Variants in PKIB observed in about 807,000 individuals in gnomAD.
PKIB encodes PKI-beta.
Under a neutral mutation model 4.5 loss-of-function variants are expected in PKIB, and 2 were observed. The ratio of observed to expected loss-of-function variants is 0.44; its 90% CI spans 0.18 to 1.39. PKIB has a LOEUF of 1.39. Among genes scored for constraint, PKIB ranks in the 40% most tolerant of loss-of-function variants. The probability of loss-of-function intolerance (pLI) is 0.27; values close to 1 mark genes in which losing one functional copy is unlikely to be tolerated. For synonymous variants in PKIB, 38 were observed against 36.0 expected (o/e 1.06, Z -0.20); for missense variants, 94 against 92.6 (o/e 1.02, Z -0.06).
At chr6:122,520,661 T>TTTCCCTC (rs1562237597) in intron 2 of PKIB, among the ~76,000 whole-genome samples, 1 of 55,546 alleles carries the variant, frequency 1.8e-5, no homozygotes, top group Non-Finnish European at 3.8e-5. Context: ...AAGTTTATGT[T>TTTCCCTC]CCCACCCCCC....
At position 122,675,035 on chromosome 6, in the gene PKIB, C is replaced by A. The variant is rs374889374; in HGVS notation, c.-75-43C>A. 8 of 149,534 alleles carry A rather than the reference C, an allele frequency of 5.3e-5. No individual in the cohort carries two copies. In the East Asian group the frequency reaches 1.6e-3, roughly 30 times the overall value. The allele number at this position is 149,534 out of a possible 1,614,324, so 9.3% of individuals were successfully genotyped here. On this transcript the variant is annotated intron_variant, in intron 2 of 4. Coordinates refer to ENST00000368452, the MANE Select transcript of PKIB (RefSeq NM_181795.3). ...AATTAAAATTTGATTAACTGGATTG[C>A]CACCTTTTCTGGTTCTTCATAGTTT...
intron 2 of PKIB, among the ~76,000 whole-genome samples, chr6:122,532,231 C>T (rs1384072126): frequency 6.6e-6 from 1 of 152,168 alleles, no homozygotes; most frequent in Non-Finnish European, 1.5e-5. Context: ...AATCAACATA[C>T]TCCAAGATGG....
At chr6:122,603,384 A>G (rs1774435515) in intron 3 of PKIB, among the ~76,000 whole-genome samples, 1 of 152,242 alleles carries the variant, frequency 6.6e-6, no homozygotes, top group East Asian at 1.9e-4. Context: ...AATTATGAGC[A>G]TCTAATCTTA....
chr6:122,684,080 G>A (rs1778004693), intron 3 of PKIB, among the ~76,000 whole-genome samples: 1 of 152,200 alleles, frequency 6.6e-6, no homozygotes, highest in African/African-American at 2.4e-5. Flanking sequence ...AAATAAGCCA[G>A]TCACAGAAAG....
chr6:122,604,150 G>A (rs906794807), intron 3 of PKIB, among the ~76,000 whole-genome samples: 4 of 152,202 alleles, frequency 2.6e-5, no homozygotes, highest in Non-Finnish European at 4.4e-5. Context: ...TTTACTTGAA[G>A]AAGTTAGAAA....
At chr6:122,716,802 C>T (rs1252236019) in intron 3 of PKIB, among the ~76,000 whole-genome samples, 1 of 152,146 alleles carries the variant, frequency 6.6e-6, no homozygotes, top group Non-Finnish European at 1.5e-5. Context: ...TGAGCATCTC[C>T]ATCCTTCGGT....
At position 122,612,585 on chromosome 6, in the gene PKIB, A is replaced by G. The variant is rs1481117620; in HGVS notation, c.-161+2050A>G. ...GCTTATGGCTTCTCTTACTTAGCAT[A>G]ATGTTTTTGGGGTTCAGCTATGTTG... is the stretch of plus-strand genomic sequence containing the variant. On this transcript the variant is annotated intron_variant, in intron 1 of 4. Transcript: ENST00000368452. 2.0e-5 allele frequency among the ~76,000 whole-genome samples: 3 copies of G among 152,096 alleles called. No individual in the cohort carries two copies. In the East Asian group the frequency reaches 5.8e-4, roughly 29 times the overall value.
intron 2 of PKIB, among the ~76,000 whole-genome samples, chr6:122,532,841 C>T (rs1397105016): frequency 6.6e-6 from 1 of 152,136 alleles, no homozygotes; most frequent in Non-Finnish European, 1.5e-5. Flanking sequence ...CTCTTCAAGA[C>T]CCTGCTATAA....
intron 3 of PKIB, among the ~76,000 whole-genome samples, chr6:122,690,906 T>C (rs1778306674): frequency 7.1e-6 from 1 of 140,996 alleles, no homozygotes; most frequent in Non-Finnish European, 1.5e-5. Context: ...TTCTCCTTCA[T>C]GCTTGAAGGA....
rs533553939 is a variant in PKIB at position 122,553,481 on chromosome 6, C to CTTTTTTTTTTTTTTTTTTTTTT, written c.-247-32439_-247-32418dup. Reference sequence around the variant, plus strand: ...TCTCTCAAGATTGCTCAAATATCTTCTTTTTTTTTTTTTTTTTTTTTTCTG... The same window carrying CTTTTTTTTTTTTTTTTTTTTTT: ...TCTCTCAAGATTGCTCAAATATCTTCTTTTTTTTTTTTTTTTTTTTTTTTTTTTTTTTTTTTTTTTTTTTCTG... On this transcript the variant is annotated intron_variant, in intron 2 of 6. Coordinates refer to the PKIB transcript ENST00000392491. Among the ~76,000 whole-genome samples the CTTTTTTTTTTTTTTTTTTTTTT allele has an allele frequency of 1.1e-3, 74 of 65,808 alleles. 15 individuals carry two copies. The highest frequency in any genetic ancestry group is 2.1e-3 in the African/African-American group (35 of 16,952). 43.2% of individuals were successfully genotyped at this position (65,808 alleles called of 152,430 possible). A position where few individuals can be genotyped will look rare whatever the true frequency, so the allele number is the denominator to read the frequency against.
intron 2 of PKIB, among the ~76,000 whole-genome samples, chr6:122,508,619 G>A (rs746187871): frequency 1.3e-5 from 2 of 152,102 alleles, no homozygotes; most frequent in Non-Finnish European, 2.9e-5. Context: ...CCCTGAGTAC[G>A]CACAGCTGTT....
At chr6:122,591,772 C>T (rs1774027553) in intron 3 of PKIB, among the ~76,000 whole-genome samples, 1 of 151,952 alleles carries the variant, frequency 6.6e-6, no homozygotes, top group South Asian at 2.1e-4. Flanking sequence ...AGTGCAGTGG[C>T]ATGATCATGG....
chr6:122,488,396 TA>T (rs1775833029), intron 2 of PKIB, among the ~76,000 whole-genome samples: 1 of 152,168 alleles, frequency 6.6e-6, no homozygotes, highest in African/African-American at 2.4e-5. Context: ...TACTGTCTTT[TA>T]CTTTTTCCCT....
intron 2 of PKIB, among the ~76,000 whole-genome samples, chr6:122,486,947 ATCTAACT>A (rs1554214086): frequency 3.1e-3 from 317 of 103,440 alleles, no homozygotes; most frequent in South Asian, 5.7e-3. Context: ...CTATCTATCT[ATCTAACT>A]ACTATTTTCT....
chr6:122,625,479 A>G (rs1230143755), intron 1 of PKIB, among the ~76,000 whole-genome samples: 1 of 152,120 alleles, frequency 6.6e-6, no homozygotes, highest in Non-Finnish European at 1.5e-5. Flanking sequence ...TATGTAAATT[A>G]AAAAGCTATG....
At chr6:122,482,523 G>T (rs141934179) in intron 2 of PKIB, 1 of 150,282 alleles carries the variant, frequency 6.7e-6, no homozygotes, top group East Asian at 2.0e-4. Context: ...TTAAAATGAG[G>T]AAGAGATAAC....
intron 2 of PKIB, among the ~76,000 whole-genome samples, chr6:122,660,182 G>T (rs896993589): frequency 6.6e-5 from 10 of 152,154 alleles, no homozygotes; most frequent in Non-Finnish European, 1.5e-5. Flanking sequence ...ACCAATTAAG[G>T]TGGGTTTCTC....
At chr6:122,548,637 AG>A (rs1351441180) in intron 2 of PKIB, among the ~76,000 whole-genome samples, 2 of 152,224 alleles carry the variant, frequency 1.3e-5, no homozygotes, top group Non-Finnish European at 2.9e-5. Flanking sequence ...TCCATTCTTT[AG>A]GTTATAAAGA....
intron 2 of PKIB, among the ~76,000 whole-genome samples, chr6:122,528,891 G>C (rs73547236): frequency 1.4e-3 from 212 of 152,004 alleles, no homozygotes; most frequent in African/African-American, 4.9e-3. Context: ...AAAGAGAAAA[G>C]AGAAAAAATG....
Sources: allele counts gnomAD v4.1 joint callset (sites outside exome capture counted in the v4.1 genomes callset), GRCh38; gene constraint gnomAD v4.1.1; transcripts MANE v1.5; gene names NCBI Gene and HGNC (gene_info 2026-07-23, HGNC 2026-07-21).